WBP1L: variants seen among roughly 807,000 people sequenced by gnomAD.
WBP1L encodes WW domain binding protein 1 like, also known as WW domain binding protein 1-like.
Under a neutral mutation model 33.7 loss-of-function variants are expected in WBP1L, and 17 were observed. The ratio of observed to expected loss-of-function variants is 0.50; its 90% CI spans 0.34 to 0.76. The LOEUF is 0.76. WBP1L is among the 30% of genes least tolerant of loss of function. The probability of loss-of-function intolerance (pLI) is 0.01; values close to 1 mark genes in which losing one functional copy is unlikely to be tolerated. For missense variants in WBP1L, 389 were observed against 469.4 expected, an observed-to-expected ratio of 0.83 and a Z score of 1.58; for synonymous variants, 173 against 190.8, an observed-to-expected ratio of 0.91 and a Z score of 0.77.
chr10:102,776,138 G>T (rs562107013), intron 1 of WBP1L: 220 of 1,383,940 alleles, frequency 1.6e-4, no homozygotes, highest in Non-Finnish European at 9.1e-5. Flanking sequence ...GACAGCTTCG[G>T]CTTTGCTGCG....
intron 1 of WBP1L, among the ~76,000 whole-genome samples, chr10:102,754,168 G>C (rs1185603862): frequency 6.6e-6 from 1 of 152,154 alleles, no homozygotes; most frequent in African/African-American, 2.4e-5. Context: ...CAGGATGTTG[G>C]AATATTGTAA....
At chr10:102,770,375 A>G (rs972574545) in intron 1 of WBP1L, among the ~76,000 whole-genome samples, 21 of 152,318 alleles carry the variant, frequency 1.4e-4, no homozygotes, top group African/African-American at 4.6e-4. Context: ...AGCTCCTGGA[A>G]ATAAAATGGC....
intron 1 of WBP1L, among the ~76,000 whole-genome samples, chr10:102,752,453 C>T (rs1163768281): frequency 1.3e-5 from 2 of 152,202 alleles, no homozygotes; most frequent in African/African-American, 4.8e-5. Flanking sequence ...TCAGTCAGCT[C>T]TGTCTTGTCA....
chr10:102,797,687 G>A (rs982590215), intron 1 of WBP1L, among the ~76,000 whole-genome samples: 1 of 151,944 alleles, frequency 6.6e-6, no homozygotes, highest in Non-Finnish European at 1.5e-5. Flanking sequence ...TGAGTAGCTG[G>A]GATTACAGGC....
chr10:102,791,958 A>G (rs1843504901), intron 1 of WBP1L, among the ~76,000 whole-genome samples: 1 of 152,240 alleles, frequency 6.6e-6, no homozygotes, highest in African/African-American at 2.4e-5. Flanking sequence ...TGACCTTTAC[A>G]GTGGCTCAGC....
intron 1 of WBP1L, among the ~76,000 whole-genome samples, chr10:102,755,793 T>C (rs1048920483): frequency 1.3e-4 from 20 of 148,384 alleles, no homozygotes; most frequent in Middle Eastern, 3.8e-3. Flanking sequence ...TGCCTGTAAT[T>C]CCAGCACTTT....
chr10:102,798,334 C>T (rs1292375234), intron 2 of WBP1L, among the ~76,000 whole-genome samples: 1 of 152,176 alleles, frequency 6.6e-6, no homozygotes, highest in African/African-American at 2.4e-5. Flanking sequence ...TGCAGAAGCT[C>T]TTGCCTGAGG....
intron 1 of WBP1L, among the ~76,000 whole-genome samples, chr10:102,751,816 G>C (rs534162850): frequency 6.6e-6 from 1 of 152,254 alleles, no homozygotes; most frequent in African/African-American, 2.4e-5. Flanking sequence ...TTGTGCCTCA[G>C]CTTCCTCATC....
chr10:102,804,141 C>A (rs1305588318), intron 2 of WBP1L: 1 of 152,050 alleles, frequency 6.6e-6, no homozygotes, highest in African/African-American at 2.4e-5. Context: ...GTAATCCCAG[C>A]ACTTTGGGAG....
chr10:102,754,456 C>G (rs539881317), intron 1 of WBP1L, among the ~76,000 whole-genome samples: 1 of 151,852 alleles, frequency 6.6e-6, no homozygotes, highest in Non-Finnish European at 1.5e-5. Flanking sequence ...TGGAGTGCAG[C>G]GGTGCGATCT....
At chr10:102,777,541 C>A (rs1843281541) in intron 1 of WBP1L, among the ~76,000 whole-genome samples, 2 of 150,992 alleles carry the variant, frequency 1.3e-5, no homozygotes, top group South Asian at 4.2e-4. Flanking sequence ...ATCCCTTCTG[C>A]CCCCACAAGA....
At chr10:102,760,617 C>T (rs1046144072) in intron 1 of WBP1L, among the ~76,000 whole-genome samples, 1 of 151,902 alleles carries the variant, frequency 6.6e-6, no homozygotes, top group African/African-American at 2.4e-5. Context: ...CTCAGGTGAT[C>T]GCCTGCCTCA....
At chr10:102,810,851 G>C (rs1843829325) in intron 3 of WBP1L, among the ~76,000 whole-genome samples, 1 of 150,482 alleles carries the variant, frequency 6.6e-6, no homozygotes, top group Non-Finnish European at 1.5e-5. Flanking sequence ...ACAGGCGTGA[G>C]CCACCGTGCC....
In WBP1L at chr10:102,814,123, C is replaced by T. The variant is rs1209158055; in HGVS notation, c.*792C>T. On this transcript the variant is annotated 3_prime_UTR_variant, in exon 4 of 4. Transcript: ENST00000448841. ...CCGGTGGGCAGGCAAGAATTCTCTT[C>T]TGGAAAATGACGTTTGTGGCTCTTT... The T allele has an allele frequency of 6.6e-6, 1 of 152,214 alleles. No homozygotes were observed. Among genetic ancestry groups the T allele is most frequent in the Non-Finnish European group, 1.5e-5 (1 of 68,032 alleles). The allele number at this position is 152,214 out of a possible 1,614,324, so 9.4% of individuals were successfully genotyped here. A position where few individuals can be genotyped will look rare whatever the true frequency, so the allele number is the denominator to read the frequency against.
chr10:102,798,108 T>C lies in WBP1L; in HGVS notation c.193+13T>C. On this transcript the variant is annotated intron_variant, in intron 2 of 3. Transcript: ENST00000448841. ...TATGAACTCTGGTGTAAGTCCTTGC[T>C]TGGGTGCCTCTCAGTATCCCAGGGT... 3 of 1,611,722 alleles carry C rather than the reference T, an allele frequency of 1.9e-6. No individual in the cohort carries two copies. The highest frequency in any genetic ancestry group is 2.5e-6 in the Non-Finnish European group (3 of 1,177,908).
chr10:102,785,951 CA>C (rs1843409038), intron 1 of WBP1L, among the ~76,000 whole-genome samples: 1 of 152,220 alleles, frequency 6.6e-6, no homozygotes, highest in Non-Finnish European at 1.5e-5. Context: ...GGGACATTGA[CA>C]AGTAGACCTT....
chr10:102,751,419 C>T (rs375834053), intron 1 of WBP1L, among the ~76,000 whole-genome samples: 4 of 151,762 alleles, frequency 2.6e-5, no homozygotes, highest in African/African-American at 9.7e-5. Flanking sequence ...AAGCAAACCT[C>T]CTATCTCAGC....
intron 1 of WBP1L, among the ~76,000 whole-genome samples, chr10:102,784,296 T>C (rs1487897489): frequency 1.3e-5 from 2 of 152,152 alleles, no homozygotes; most frequent in Non-Finnish European, 2.9e-5. Context: ...TTGCTGTGGG[T>C]TGGGTTTATT....
chr10:102,813,002 G>A lies in WBP1L; in HGVS notation c.763G>A (p.Asp255Asn), dbSNP rs139434993. Residue 255 changes from aspartate to asparagine, a missense_variant, in exon 4 of 4, where the codon GAC becomes AAC. Coordinates refer to ENST00000448841, the MANE Select transcript of WBP1L (RefSeq NM_001083913.2). ...TGACAGCTCTGAACACGGCGCACCC[G>A]ACAGCAAAGAGAAGACGCCTGGGAG... ...KDDSSEHGAPDSKEKTPGRHR... is the reference protein window; with the variant it reads ...KDDSSEHGAPNSKEKTPGRHR... 2.1e-4 allele frequency: 335 copies of A among 1,613,496 alleles called. No individual in the cohort carries two copies. Among genetic ancestry groups the A allele is most frequent in the Non-Finnish European group, 2.7e-4 (314 of 1,179,974 alleles).
Sources: gnomAD v4.1 joint callset for allele counts (sites outside exome capture counted in the v4.1 genomes callset) on GRCh38, gnomAD v4.1.1 for gene constraint, MANE v1.5 for transcripts, NCBI Gene and HGNC (gene_info 2026-07-23, HGNC 2026-07-21) for gene names.